Variants in SH3BGRL2 observed in about 807,000 individuals in gnomAD.
SH3BGRL2 encodes the protein SH3 domain-binding glutamic acid-rich-like protein 2.
A neutral mutation model predicts 14.8 loss-of-function variants in SH3BGRL2; 21 were observed. The observed-to-expected ratio is 1.42, with a 90% CI of 1.01 to 2.05. The LOEUF is 2.05. Among genes scored for constraint, SH3BGRL2 ranks in the 30% most tolerant of loss-of-function variants. The pLI is 0.00. For synonymous variants in SH3BGRL2, 50 were observed against 47.8 expected (o/e 1.05, Z -0.19); for missense variants, 147 against 130.8 (o/e 1.12, Z -0.61).
At chr6:79,583,577 AG>A in the SH3BGRL2 span, among the ~76,000 whole-genome samples, 2 of 152,180 alleles carry the variant, frequency 1.3e-5, no homozygotes, top group African/African-American at 2.4e-5. Flanking sequence ...TGGGAATTGA[AG>A]AATGAGATCA....
chr6:79,661,729 A>G (rs924896822), intron 1 of SH3BGRL2, among the ~76,000 whole-genome samples: 1 of 152,064 alleles, frequency 6.6e-6, no homozygotes, highest in Non-Finnish European at 1.5e-5. Flanking sequence ...CTGACAGTGG[A>G]GTGTTAAAGT....
rs968529600 is a variant in SH3BGRL2 at position 79,701,179 on chromosome 6, G to C, written c.*1670G>C. 3 of 152,098 alleles carry C rather than the reference G, an allele frequency of 2.0e-5. No homozygotes were observed. Among genetic ancestry groups the C allele is most frequent in the African/African-American group, 7.2e-5 (3 of 41,402 alleles). 9.4% of individuals were successfully genotyped at this position (152,098 alleles called of 1,614,324 possible). A position where few individuals can be genotyped will look rare whatever the true frequency, so the allele number is the denominator to read the frequency against. On this transcript the variant is annotated 3_prime_UTR_variant, in exon 4 of 4. Coordinates refer to ENST00000369838, the MANE Select transcript of SH3BGRL2 (RefSeq NM_031469.4). ...CAAGGGAAGCTGTTGTCAAATTATGGATATTACTGGTTAGTTGTCATTAAG... is the reference window on the plus strand; with the variant it reads ...CAAGGGAAGCTGTTGTCAAATTATGCATATTACTGGTTAGTTGTCATTAAG...
intron 1 of SH3BGRL2, among the ~76,000 whole-genome samples, chr6:79,657,027 A>G (rs1336513187): frequency 6.6e-6 from 1 of 152,248 alleles, no homozygotes; most frequent in African/African-American, 2.4e-5. Context: ...AATTTAGAGA[A>G]AAGAGATGGG....
intron 2 of SH3BGRL2, among the ~76,000 whole-genome samples, chr6:79,684,969 C>T (rs1008751400): frequency 6.6e-6 from 1 of 152,160 alleles, no homozygotes; most frequent in African/African-American, 2.4e-5. Flanking sequence ...GATACAAATT[C>T]TCCTTTATGG....
chr6:79,565,815 C>T, the SH3BGRL2 span, among the ~76,000 whole-genome samples: 1 of 152,238 alleles, frequency 6.6e-6, no homozygotes, highest in Non-Finnish European at 1.5e-5. Context: ...CTTCTCCTCT[C>T]TAAACTTCCC....
the SH3BGRL2 span, among the ~76,000 whole-genome samples, chr6:79,624,085 T>G: frequency 2.6e-5 from 4 of 152,022 alleles, no homozygotes; most frequent in Admixed American, 2.6e-4. Context: ...TATAACATGG[T>G]AATCATTTAC....
intron 1 of SH3BGRL2, among the ~76,000 whole-genome samples, chr6:79,663,623 A>C (rs1769598884): frequency 6.6e-6 from 1 of 152,204 alleles, no homozygotes; most frequent in South Asian, 2.1e-4. Context: ...CACAGGGATC[A>C]GGGACCCACT....
the SH3BGRL2 span, among the ~76,000 whole-genome samples, chr6:79,582,755 C>T: frequency 6.6e-6 from 1 of 152,170 alleles, no homozygotes; most frequent in Non-Finnish European, 1.5e-5. Flanking sequence ...ACACCAAAAG[C>T]AATGGCAACA....
chr6:79,620,756 G>T, the SH3BGRL2 span, among the ~76,000 whole-genome samples: 16 of 152,144 alleles, frequency 1.1e-4, no homozygotes, highest in African/African-American at 3.6e-4. Context: ...GCACAGAGAA[G>T]AATAAAAAGG....
At chr6:79,637,636 G>A (rs1768951861) in intron 1 of SH3BGRL2, among the ~76,000 whole-genome samples, 1 of 151,848 alleles carries the variant, frequency 6.6e-6, no homozygotes, top group South Asian at 2.1e-4. Context: ...GAGATTGCAT[G>A]AGCCGAGATT....
chr6:79,692,098 A>G (rs373907999), intron 2 of SH3BGRL2, among the ~76,000 whole-genome samples: 13 of 152,214 alleles, frequency 8.5e-5, no homozygotes, highest in Non-Finnish European at 1.6e-4. Context: ...GCATTTCTCT[A>G]ATGGCCAGTG....
chr6:79,665,483 G>A (rs556253622), intron 1 of SH3BGRL2, among the ~76,000 whole-genome samples: 26 of 152,204 alleles, frequency 1.7e-4, no homozygotes, highest in East Asian at 9.7e-4. Context: ...TCAGCGTGAT[G>A]AGATTATGGG....
chr6:79,563,385 T>C, the SH3BGRL2 span, among the ~76,000 whole-genome samples: 1 of 152,076 alleles, frequency 6.6e-6, no homozygotes, highest in East Asian at 1.9e-4. Flanking sequence ...GTGCTGGGAT[T>C]ACAGGAGTGA....
the SH3BGRL2 span, among the ~76,000 whole-genome samples, chr6:79,556,713 A>G: frequency 0.09 from 13,666 of 151,992 alleles, 1,422 homozygotes; most frequent in East Asian, 0.55. Flanking sequence ...ATTCTTACAG[A>G]ATTATTTATA....
At position 79,673,677 on chromosome 6, in the gene SH3BGRL2, G is replaced by A. The variant is rs1381547016; in HGVS notation, c.109G>A (p.Val37Met). 2 of 1,614,016 alleles carry A rather than the reference G, an allele frequency of 1.2e-6. No homozygotes were observed. The highest frequency in any genetic ancestry group is 1.7e-6 in the Non-Finnish European group (2 of 1,180,034). The part of the protein sequence containing the change: ...LEANKIEFEE[V>M]DITMSEEQRQ... ...AGCCAACAAGATAGAGTTTGAGGAG[G>A]TGGATATCACAATGTCAGAAGAACA... Residue 37 changes from valine (V) to methionine (M), a missense_variant, in exon 2 of 4, where the codon GTG becomes ATG. Physicochemically the swap from Val to Met is conservative, Grantham distance 21. Transcript: ENST00000369838.
At chr6:79,616,462 A>T in the SH3BGRL2 span, among the ~76,000 whole-genome samples, 3 of 152,032 alleles carry the variant, frequency 2.0e-5, no homozygotes, top group African/African-American at 7.3e-5. Context: ...GGTTATTGGC[A>T]GTTCTGTTCC....
At chr6:79,666,395 T>C (rs540941056) in intron 1 of SH3BGRL2, among the ~76,000 whole-genome samples, 41 of 152,218 alleles carry the variant, frequency 2.7e-4, no homozygotes, top group South Asian at 4.1e-4. Context: ...TTTAGTTTTT[T>C]AGACTTCACA....
chr6:79,572,556 G>C, the SH3BGRL2 span, among the ~76,000 whole-genome samples: 11 of 151,982 alleles, frequency 7.2e-5, no homozygotes, highest in Non-Finnish European at 1.3e-4. Context: ...AGCTCTGCTT[G>C]CCGGGTTCAC....
At chr6:79,666,291 G>A (rs767214911) in intron 1 of SH3BGRL2, among the ~76,000 whole-genome samples, 1 of 152,146 alleles carries the variant, frequency 6.6e-6, no homozygotes, top group Non-Finnish European at 1.5e-5. Flanking sequence ...GGAAGAATGA[G>A]GAAGGGCAGG....
Sources: gnomAD v4.1 joint callset for allele counts (sites outside exome capture counted in the v4.1 genomes callset) on GRCh38, gnomAD v4.1.1 for gene constraint, MANE v1.5 for transcripts, NCBI Gene and HGNC (gene_info 2026-07-23, HGNC 2026-07-21) for gene names.